OTOGL: variants seen among roughly 807,000 people sequenced by gnomAD.
The protein encoded by OTOGL is otogelin-like protein.
Under a neutral mutation model 318.5 loss-of-function variants are expected in OTOGL, and 285 were observed. The observed-to-expected ratio is 0.89, with a 90% confidence interval of 0.81 to 0.99. The LOEUF (loss-of-function observed/expected upper bound fraction) is 0.99. Among genes scored for constraint, OTOGL ranks in the 50% least tolerant of loss-of-function variants. OTOGL has a pLI of 0.00. For missense variants in OTOGL, 2,899 were observed against 2,845.6 expected (o/e 1.02, Z -0.43); for synonymous variants, 987 against 936.5 (o/e 1.05, Z -0.99).
At chr12:80,216,225 A>G (rs979361388) in intron 4 of OTOGL, among the ~76,000 whole-genome samples, 2 of 152,056 alleles carry the variant, frequency 1.3e-5, no homozygotes, top group Non-Finnish European at 2.9e-5. Flanking sequence ...TCAAAATAAA[A>G]CTTCACGTAA....
chr12:80,278,167 G>A lies in OTOGL; in HGVS notation c.2682-1G>A. The A allele has an allele frequency of 1.3e-6, 2 of 1,542,132 alleles. No homozygotes were observed. The highest frequency in any genetic ancestry group is 1.8e-6 in the Non-Finnish European group (2 of 1,140,448). ...ATAGCATTTTATTCTTCATTTGGAAGAATGGCAGAGCACAGAGGAAAGTGT... is the reference window on the plus strand; with the variant it reads ...ATAGCATTTTATTCTTCATTTGGAAAAATGGCAGAGCACAGAGGAAAGTGT... On this transcript the variant is annotated splice_acceptor_variant, in intron 24 of 58. Coordinates refer to ENST00000547103, the MANE Select transcript of OTOGL (RefSeq NM_001378609.3). LOFTEE classifies it high-confidence loss of function.
intron 1 of OTOGL, among the ~76,000 whole-genome samples, chr12:80,146,252 G>C (rs1391405986): frequency 2.7e-5 from 4 of 146,606 alleles, no homozygotes; most frequent in Admixed American, 1.3e-4. Flanking sequence ...AATTTATTGA[G>C]AGTTTTTAGC....
At chr12:80,162,803 G>A (rs1040038782) in intron 1 of OTOGL, among the ~76,000 whole-genome samples, 6 of 152,020 alleles carry the variant, frequency 3.9e-5, no homozygotes, top group South Asian at 2.1e-4. Flanking sequence ...GGTACTTGGC[G>A]TAGAACTCCA....
At chr12:80,226,441 C>T (rs1878865203) in intron 7 of OTOGL, among the ~76,000 whole-genome samples, 1 of 151,996 alleles carries the variant, frequency 6.6e-6, no homozygotes, top group Admixed American at 6.6e-5. Context: ...TTTCCTAACT[C>T]TCTACCTCTA....
At position 80,270,058 on chromosome 12, in the gene OTOGL, A is replaced by C. The variant is rs201335759; in HGVS notation, c.2466-44A>C. ...TCGAAATTCAGGGAAAAAAAAAAAA[A>C]CAACAGATTTGGTTCCATAAATTAA... is the stretch of plus-strand genomic sequence containing the variant. On this transcript the variant is annotated intron_variant, in intron 22 of 58. Coordinates refer to ENST00000547103, the MANE Select transcript of OTOGL (RefSeq NM_001378609.3). The C allele has an allele frequency of 0.059, 79,295 of 1,354,242 alleles. 2,691 individuals carry two copies. Among genetic ancestry groups the C allele is most frequent in the Admixed American group, 0.087 (3,966 of 45,582 alleles). The allele number at this position is 1,354,242 out of a possible 1,614,324, so 83.9% of individuals were successfully genotyped here.
intron 1 of OTOGL, among the ~76,000 whole-genome samples, chr12:80,124,049 C>A (rs1050807996): frequency 2.0e-5 from 3 of 152,170 alleles, no homozygotes; most frequent in Non-Finnish European, 4.4e-5. Flanking sequence ...TTAACTAGAT[C>A]CCATTTGTCA....
intron 34 of OTOGL, among the ~76,000 whole-genome samples, chr12:80,321,910 C>T (rs1449553682): frequency 9.2e-5 from 14 of 152,136 alleles, no homozygotes; most frequent in Admixed American, 9.2e-4. Context: ...CTCAGAAAAG[C>T]CCAGGGTGAA....
In OTOGL at chr12:80,313,471, T is replaced by G. The variant is rs746028926; in HGVS notation, c.3451-5T>G. ...AATTAAGTAATCTTTCACCTCATTTTTCAGATTGACGTTACTTCTTTTGCC... is the reference window on the plus strand; with the variant it reads ...AATTAAGTAATCTTTCACCTCATTTGTCAGATTGACGTTACTTCTTTTGCC... On this transcript the variant is annotated splice_region_variant and splice_polypyrimidine_tract_variant and intron_variant, in intron 30 of 58. Transcript: ENST00000547103. The G allele has an allele frequency of 3.6e-5, 57 of 1,601,346 alleles. 1 individual carries two copies. The highest frequency in any genetic ancestry group is 3.3e-4 in the Middle Eastern group (2 of 6,028).
At chr12:80,345,668 T>C (rs190275303) in intron 44 of OTOGL, among the ~76,000 whole-genome samples, 17 of 152,262 alleles carry the variant, frequency 1.1e-4, no homozygotes, top group Non-Finnish European at 2.9e-5. Flanking sequence ...CTCACAAAAT[T>C]GGCTTATTTT....
At chr12:80,292,911 G>A (rs749480452) in intron 26 of OTOGL, among the ~76,000 whole-genome samples, 8 of 152,142 alleles carry the variant, frequency 5.3e-5, no homozygotes, top group Non-Finnish European at 8.8e-5. Context: ...GAATATGTCT[G>A]TCTCGGACTT....
chr12:80,191,410 C>G (rs1357902502), intron 1 of OTOGL, among the ~76,000 whole-genome samples: 1 of 152,088 alleles, frequency 6.6e-6, no homozygotes, highest in African/African-American at 2.4e-5. Context: ...TGCACTCCAG[C>G]CTGGGTGACA....
chr12:80,243,458 G>A (rs1219692458), intron 11 of OTOGL, among the ~76,000 whole-genome samples: 1 of 151,790 alleles, frequency 6.6e-6, no homozygotes, highest in African/African-American at 2.4e-5. Context: ...ATGGGTAACG[G>A]ACATTCTCTC....
chr12:80,175,304 A>G (rs567739548), intron 1 of OTOGL, among the ~76,000 whole-genome samples: 1 of 152,332 alleles, frequency 6.6e-6, no homozygotes, highest in East Asian at 1.9e-4. Context: ...CTTAGGTGTG[A>G]AGCTCTCAGA....
At chr12:80,220,194 C>G (rs1878171984) in intron 6 of OTOGL, among the ~76,000 whole-genome samples, 1 of 152,088 alleles carries the variant, frequency 6.6e-6, no homozygotes, top group African/African-American at 2.4e-5. Flanking sequence ...GAGTCTCACT[C>G]TGTCACTCAG....
intron 52 of OTOGL, among the ~76,000 whole-genome samples, chr12:80,360,603 T>C (rs7973296): frequency 0.22 from 32,638 of 151,582 alleles, 5,399 homozygotes; most frequent in African/African-American, 0.46. Context: ...TGCCTCAGCC[T>C]CCTGAGTAGC....
rs113510303 is a variant in OTOGL at position 80,238,573 on chromosome 12, G to A, written c.818-278G>A. 1.9e-3 allele frequency among the ~76,000 whole-genome samples: 293 copies of A among 152,212 alleles called. 4 individuals are homozygous for A. Among genetic ancestry groups the A allele is most frequent in the African/African-American group, 6.7e-3 (278 of 41,526 alleles). On this transcript the variant is annotated intron_variant, in intron 9 of 58. Transcript: ENST00000547103. ...CGATAAATGCTTCACTGGTGTGTAC[G>A]TTGTACTCACTCACCTTCAATCCTT... is the stretch of plus-strand genomic sequence containing the variant.
intron 27 of OTOGL, among the ~76,000 whole-genome samples, chr12:80,300,733 A>G (rs1249278751): frequency 6.6e-6 from 1 of 152,160 alleles, no homozygotes; most frequent in Non-Finnish European, 1.5e-5. Flanking sequence ...ATGGGTCACA[A>G]TTGATGGGAA....
Position 80,135,246 on chromosome 12 carries a change from G to GCTCCT in OTOGL, c.-20+35642_-20+35643insTCCTC, listed in dbSNP as rs1871478318. On this transcript the variant is annotated intron_variant, in intron 1 of 58. Coordinates refer to ENST00000547103, the MANE Select transcript of OTOGL (RefSeq NM_001378609.3). ...CTCTGGGTCATTTTTTATTTCTTGA[G>GCTCCT]CCCCTCCCCTCCCCTCCCCTCCCCT... Among the ~76,000 whole-genome samples, 3 of 62,494 alleles carry GCTCCT rather than the reference G, an allele frequency of 4.8e-5. 1 individual carries two copies. The highest frequency in any genetic ancestry group is 3.0e-4 in the Admixed American group (2 of 6,682). The allele number at this position is 62,494 out of a possible 152,430, so 41.0% of individuals were successfully genotyped here.
At chr12:80,297,094 T>C (rs1885454243) in intron 27 of OTOGL, 133 bp downstream of exon 27, 2 of 790,176 alleles carry the variant, frequency 2.5e-6, no homozygotes, top group Admixed American at 3.5e-5. Context: ...TCATTTTGCG[T>C]GGCTTCAGTA....
Sources: gnomAD v4.1 joint callset for allele counts (sites outside exome capture counted in the v4.1 genomes callset) on GRCh38, gnomAD v4.1.1 for gene constraint, MANE v1.5 for transcripts, NCBI Gene and HGNC (gene_info 2026-07-23, HGNC 2026-07-21) for gene names.